Variants in NUMA1 observed in about 807,000 individuals in gnomAD.
The protein encoded by NUMA1 is nuclear mitotic apparatus protein 1, also known as SP-H antigen.
Under a neutral mutation model 237.1 loss-of-function variants are expected in NUMA1, and 62 were observed. The ratio of observed to expected loss-of-function variants is 0.26; its 90% CI spans 0.21 to 0.32. The LOEUF is 0.32. NUMA1 is among the 10% of genes least tolerant of loss of function. The pLI, the probability that NUMA1 is intolerant of heterozygous loss-of-function variation, is 1.00. For missense variants in NUMA1, 2,533 were observed against 2,666.5 expected (o/e 0.95, Z 1.10); for synonymous variants, 1,028 against 1,066.1 (o/e 0.96, Z 0.70).
At chr11:72,022,025 G>C (rs1199335009) in intron 7 of NUMA1, among the ~76,000 whole-genome samples, 1 of 149,274 alleles carries the variant, frequency 6.7e-6, no homozygotes, top group Admixed American at 6.7e-5. Context: ...CACACACACA[G>C]AAACACATAT....
intron 4 of NUMA1, chr11:72,024,679 T>A (rs974704513): frequency 1.5e-5 from 5 of 325,388 alleles, no homozygotes; most frequent in Non-Finnish European, 2.4e-5. Context: ...GAAGCTATAT[T>A]ACACCATCTG....
intron 17 of NUMA1, among the ~76,000 whole-genome samples, chr11:72,010,172 C>T (rs1322532686): frequency 1.3e-5 from 2 of 152,232 alleles, no homozygotes; most frequent in African/African-American, 2.4e-5. Context: ...GAGCTCCCAA[C>T]AACTCCTAGG....
At chr11:72,038,761 C>A (rs552835406) in intron 2 of NUMA1, among the ~76,000 whole-genome samples, 1 of 151,914 alleles carries the variant, frequency 6.6e-6, no homozygotes, top group Non-Finnish European at 1.5e-5. Context: ...TGAGATCCAC[C>A]CCAGCTGGAT....
chr11:72,061,408 A>G (rs1942928460), intron 2 of NUMA1, among the ~76,000 whole-genome samples: 1 of 152,146 alleles, frequency 6.6e-6, no homozygotes, highest in Non-Finnish European at 1.5e-5. Context: ...AATGAAGTCA[A>G]AAGACTTATC....
At chr11:72,075,881 G>A (rs80104301) in intron 1 of NUMA1, among the ~76,000 whole-genome samples, 3,359 of 152,246 alleles carry the variant, frequency 0.022, 123 homozygotes, top group African/African-American at 0.074. Flanking sequence ...TGTCCTAGCC[G>A]TGTATGGAAT....
chr11:72,036,013 T>C, intron 2 of NUMA1, 38 bp from the exon 3 acceptor site: 1 of 1,468,892 alleles, frequency 6.8e-7, no homozygotes, highest in East Asian at 2.3e-5. Context: ...GTTAATCATA[T>C]CAGATATCCA....
intron 1 of NUMA1, among the ~76,000 whole-genome samples, chr11:72,073,067 A>AAAAAAAAAAAAAAC: frequency 1.4e-5 from 2 of 146,772 alleles, no homozygotes; most frequent in African/African-American, 2.5e-5. Context: ...AAAAAAAAAA[A>AAAAAAAAAAAAAAC]AGCTGCCTAG....
intron 4 of NUMA1, among the ~76,000 whole-genome samples, chr11:72,027,312 G>C (rs1939709923): frequency 1.3e-5 from 2 of 152,104 alleles, no homozygotes; most frequent in Admixed American, 1.3e-4. Context: ...TTAATGTCAG[G>C]TGCCTGGATC....
rs1220309717 is a variant in NUMA1 at position 72,013,616 on chromosome 11, C to T, written c.3887G>A (p.Ser1296Asn). The T allele has an allele frequency of 1.2e-6, 2 of 1,611,154 alleles. No homozygotes were observed. The highest frequency in any genetic ancestry group is 3.3e-5 in the Admixed American group (2 of 60,030). Reference protein sequence around the residue: ...RSSALREEVQSLREEAEKQRV... With the variant: ...RSSALREEVQNLREEAEKQRV... ...CTGTTTCTCAGCCTCCTCCCGGAGGCTCTGCACCTCCTCCCGCAGAGCAGA... is the reference window on the plus strand; with the variant it reads ...CTGTTTCTCAGCCTCCTCCCGGAGGTTCTGCACCTCCTCCCGCAGAGCAGA... Residue 1296 changes from serine (S) to asparagine (N), a missense_variant, in exon 15 of 27, where the codon AGC (serine) becomes AAC (asparagine). By Grantham distance (46) the Ser-to-Asn change is conservative. Around this residue, in one of 3 missense-constraint regions of NUMA1, gnomAD observed 324 missense variants for 407.6 expected, o/e 0.79. Coordinates refer to ENST00000393695, the MANE Select transcript of NUMA1 (RefSeq NM_006185.4). The surrounding 1 kb of genome is among the most constrained non-coding windows in gnomAD (Gnocchi z 6.8).
intron 2 of NUMA1, among the ~76,000 whole-genome samples, chr11:72,061,434 C>T (rs1591065688): frequency 6.6e-6 from 1 of 151,478 alleles, no homozygotes; most frequent in East Asian, 1.9e-4. Flanking sequence ...TTATGGGTTG[C>T]AACACTAAAA....
Position 72,013,647 on chromosome 11 carries a change from G to A in NUMA1, c.3856C>T (p.Arg1286Cys), listed in dbSNP as rs775941295. The A allele has an allele frequency of 7.5e-6, 12 of 1,609,550 alleles. No homozygotes were observed. The highest frequency in any genetic ancestry group is 4.0e-5 in the African/African-American group (3 of 74,906). ...TASNSARAAE[R>C]SSALREEVQS... is the part of the protein sequence containing the mutation. ...ACCTCCTCCCGCAGAGCAGAGCTGCGTTCTGCAGCTCTGGCACTGTTGCTG... is the reference window on the plus strand; with the variant it reads ...ACCTCCTCCCGCAGAGCAGAGCTGCATTCTGCAGCTCTGGCACTGTTGCTG... Residue 1286 changes from arginine (R) to cysteine (C), a missense_variant, in exon 15 of 27, where the codon CGC becomes TGC. This residue lies in a region of NUMA1 where 324 missense variants were observed against 407.6 expected (regional missense o/e 0.79). Transcript: ENST00000393695. This position sits in a 1 kb window ranked among gnomAD's most constrained non-coding sequence, Gnocchi z 6.8.
At chr11:72,044,573 A>AAATATTTAAC (rs1422127951) in intron 2 of NUMA1, among the ~76,000 whole-genome samples, 4 of 132,444 alleles carry the variant, frequency 3.0e-5, no homozygotes, top group African/African-American at 1.1e-4. Context: ...CTAACTCCTC[A>AAATATTTAAC]AATATTTAAC....
chr11:72,025,852 A>C (rs1047220139), intron 4 of NUMA1, among the ~76,000 whole-genome samples: 1 of 152,220 alleles, frequency 6.6e-6, no homozygotes, highest in African/African-American at 2.4e-5. Flanking sequence ...AGTCTTGAGG[A>C]GATGCTAATC....
rs573173311 is a variant in NUMA1, at chr11:72,034,824, A to G, written c.42+1078T>C. Among the ~76,000 whole-genome samples, 8 of 152,134 alleles carry G rather than the reference A, an allele frequency of 5.3e-5. No homozygotes were observed. The South Asian group carries it at 1.7e-3, about 32-fold the overall frequency. Reference sequence around the variant, plus strand: ...AGACCCATATTTATCACCACACTCCATGGTCTCCTCTGTTTCTTTAGCTTT... The same window carrying G: ...AGACCCATATTTATCACCACACTCCGTGGTCTCCTCTGTTTCTTTAGCTTT... On this transcript the variant is annotated intron_variant, in intron 3 of 26. Coordinates refer to ENST00000393695, the MANE Select transcript of NUMA1 (RefSeq NM_006185.4).
chr11:72,013,551 G>T lies in NUMA1; in HGVS notation c.3952C>A (p.Gln1318Lys). 2 of 1,613,470 alleles carry T rather than the reference G, an allele frequency of 1.2e-6. No homozygotes were observed. The highest frequency in any genetic ancestry group is 8.5e-7 in the Non-Finnish European group (1 of 1,180,014). ...SENLRQELTSQAERAEELGQE... is the reference protein window; with the variant it reads ...SENLRQELTSKAERAEELGQE... ...CCCAGCTCCTCCGCACGCTCAGCCT[G>T]TGAGGTCAGCTCCTGCCGCAGGTTC... Residue 1318 changes from glutamine to lysine, a missense_variant, in exon 15 of 27, where the codon CAG (glutamine) becomes AAG (lysine). This residue lies in a region of NUMA1 where 324 missense variants were observed against 407.6 expected (regional missense o/e 0.79). Coordinates refer to ENST00000393695, the MANE Select transcript of NUMA1 (RefSeq NM_006185.4). This position sits in a 1 kb window ranked among gnomAD's most constrained non-coding sequence, Gnocchi z 6.8.
intron 2 of NUMA1, among the ~76,000 whole-genome samples, chr11:72,042,977 C>A (rs117013948): frequency 0.011 from 1,693 of 152,038 alleles, 10 homozygotes; most frequent in Admixed American, 0.021. Flanking sequence ...AAAAAATTAG[C>A]CGGGTGTGGT....
chr11:72,003,696 G>T, intron 26 of NUMA1, 158 bp from the exon 27 acceptor site: 1 of 1,061,618 alleles, frequency 9.4e-7, no homozygotes, highest in South Asian at 1.4e-5. Flanking sequence ...AGCAGCTCTG[G>T]GTGCTCTCCA....
At position 72,006,917 on chromosome 11, in the gene NUMA1, C is replaced by T. The variant is rs114711936; in HGVS notation, c.5463+272G>A. ...CACAGGATGGGCTGCAGCTTCGCCA[C>T]GTTCTCTCCCTTCACCCTGCACAGG... On this transcript the variant is annotated intron_variant, in intron 21 of 26. Transcript: ENST00000393695. 6.8e-3 allele frequency among the ~76,000 whole-genome samples: 1,036 copies of T among 152,356 alleles called. 2 individuals are homozygous for T. The highest frequency in any genetic ancestry group is 0.016 in the African/African-American group (652 of 41,580).
At chr11:72,012,636 T>A (rs1956231628) in intron 15 of NUMA1, among the ~76,000 whole-genome samples, 194 bp from the exon 16 acceptor site, 1 of 152,044 alleles carries the variant, frequency 6.6e-6, no homozygotes, top group African/African-American at 2.4e-5. Flanking sequence ...GGTGTGCCTC[T>A]GAACAGGCTG....
Sources: allele counts gnomAD v4.1 joint callset (sites outside exome capture counted in the v4.1 genomes callset), GRCh38; gene constraint gnomAD v4.1.1; regional missense constraint gnomAD v4.1.1; non-coding constraint Gnocchi (gnomAD v3.1); transcripts MANE v1.5; gene names NCBI Gene and HGNC (gene_info 2026-07-23, HGNC 2026-07-21).